Variants in HSPA12A observed in about 807,000 individuals in gnomAD.
HSPA12A encodes the protein heat shock protein family A (Hsp70) member 12A, also known as heat shock 70 kDa protein 12A.
HSPA12A carries 28 observed loss-of-function variants against 69.2 expected under a neutral mutation model. That is an observed-to-expected ratio of 0.40 (90% CI 0.30 to 0.55). The LOEUF is 0.55. Among genes scored for constraint, HSPA12A ranks in the 20% least tolerant of loss-of-function variants. HSPA12A has a pLI of 0.38. For missense variants in HSPA12A, 686 were observed against 900.7 expected (o/e 0.76, Z 3.05); for synonymous variants, 345 against 370.5 (o/e 0.93, Z 0.79).
chr10:116,727,027 T>TA (rs141199471), intron 1 of HSPA12A, among the ~76,000 whole-genome samples: 11,889 of 152,282 alleles, frequency 0.078, 714 homozygotes, highest in Non-Finnish European at 0.11. Flanking sequence ...AACAAAGTGT[T>TA]ATCACATTTT....
intron 2 of HSPA12A, among the ~76,000 whole-genome samples, chr10:116,759,901 C>T (rs978944602): frequency 2.0e-5 from 3 of 152,170 alleles, no homozygotes; most frequent in Non-Finnish European, 4.4e-5. Flanking sequence ...TTTCCCTGAA[C>T]AAGTTCTGTT....
At chr10:116,703,240 C>A (rs1253433356) in intron 3 of HSPA12A, among the ~76,000 whole-genome samples, 1 of 152,156 alleles carries the variant, frequency 6.6e-6, no homozygotes, top group Non-Finnish European at 1.5e-5. Flanking sequence ...AGTGTCTGTA[C>A]CCTCTTAGGA....
Position 116,673,420 on chromosome 10 carries a change from G to A in HSPA12A, c.*1361C>T, listed in dbSNP as rs1349430667. The A allele has an allele frequency of 6.6e-6, 1 of 152,136 alleles. No homozygotes were observed. Among genetic ancestry groups the A allele is most frequent in the African/African-American group, 2.4e-5 (1 of 41,436 alleles). The allele number at this position is 152,136 out of a possible 1,614,324, so 9.4% of individuals were successfully genotyped here. On this transcript the variant is annotated 3_prime_UTR_variant, in exon 12 of 12. Transcript: ENST00000369209. ...TTCTCATGGAAGCCCTCTTCCTAAA[G>A]GAGCCCAAAGGGGACACCTGCAGAG...
At chr10:116,843,350 A>C (rs952925154) in intron 1 of HSPA12A, among the ~76,000 whole-genome samples, 1 of 152,206 alleles carries the variant, frequency 6.6e-6, no homozygotes, top group African/African-American at 2.4e-5. Flanking sequence ...AAGCTAAATA[A>C]AGGTTTTCAG....
In HSPA12A at chr10:116,723,253, G is replaced by A. The variant is rs1056511761; in HGVS notation, c.41-15968C>T. On this transcript the variant is annotated intron_variant, in intron 1 of 11. Coordinates refer to ENST00000369209, the MANE Select transcript of HSPA12A (RefSeq NM_025015.3). This position sits in a 1 kb window ranked among gnomAD's most constrained non-coding sequence, Gnocchi z 4.1. ...CTCATACAACCCCCTGCACAGCTGG[G>A]CTGTGTCCTCTGCCATCTGGGAAAG... 1.3e-5 allele frequency among the ~76,000 whole-genome samples: 2 copies of A among 151,826 alleles called. No homozygotes were observed. The highest frequency in any genetic ancestry group is 4.8e-5 in the African/African-American group (2 of 41,308).
chr10:116,704,418 C>T (rs1436045134), intron 3 of HSPA12A, among the ~76,000 whole-genome samples: 4 of 151,856 alleles, frequency 2.6e-5, no homozygotes, highest in African/African-American at 9.7e-5. Context: ...AATGAGAACA[C>T]ATGGACACAG....
Position 116,674,950 on chromosome 10 carries a change from T to C in HSPA12A, c.1859A>G (p.Lys620Arg). 6.2e-7 allele frequency: 1 copy of C among 1,614,158 alleles called. No individual in the cohort carries two copies. Among genetic ancestry groups the C allele is most frequent in the Non-Finnish European group, 8.5e-7 (1 of 1,180,036 alleles). Residue 620 changes from lysine (K) to arginine (R), a missense_variant, in exon 12 of 12, where the codon AAG (lysine) becomes AGG (arginine). Lys to Arg is a conservative substitution (Grantham distance 26). Transcript: ENST00000369209. ...GAGATCCAGGCGGAGCGTGCCACAC[T>C]TCTTCACCCCGGGATCAGTGATGAA... ...VSFITDPGVKKCGTLRLDLTG... is the reference protein window; with the variant it reads ...VSFITDPGVKRCGTLRLDLTG...
rs782423796 is a variant in HSPA12A at position 116,681,269 on chromosome 10, C to T, written c.923-13G>A. ...ACATACTTATCACCTGGCACAAAAA[C>T]AGCCATCTTTTACACAGACTGTTTG... On this transcript the variant is annotated splice_polypyrimidine_tract_variant and intron_variant, in intron 8 of 11. Transcript: ENST00000369209. 14 of 1,609,160 alleles carry T rather than the reference C, an allele frequency of 8.7e-6. No homozygotes were observed. Among genetic ancestry groups the T allele is most frequent in the Non-Finnish European group, 1.2e-5 (14 of 1,175,860 alleles).
intron 2 of HSPA12A, among the ~76,000 whole-genome samples, chr10:116,812,981 G>A (rs185229846): frequency 6.6e-6 from 1 of 152,276 alleles, no homozygotes; most frequent in East Asian, 1.9e-4. Context: ...TAGGGAGGGA[G>A]GAAGCTAAGA....
chr10:116,807,055 C>T (rs1311327037), intron 2 of HSPA12A, among the ~76,000 whole-genome samples: 1 of 152,134 alleles, frequency 6.6e-6, no homozygotes, highest in Non-Finnish European at 1.5e-5. Context: ...CCAAGGAATG[C>T]CTGGAGCATC....
intron 2 of HSPA12A, among the ~76,000 whole-genome samples, chr10:116,764,227 C>T (rs1389073800): frequency 2.0e-5 from 3 of 152,158 alleles, no homozygotes; most frequent in Non-Finnish European, 4.4e-5. Flanking sequence ...TACTTTGATC[C>T]AGCAACCCCA....
At chr10:116,849,843 C>G (rs1199124890), upstream of HSPA12A, 5 of 1,259,130 alleles carry the variant, frequency 4.0e-6, no homozygotes, top group Non-Finnish European at 5.5e-6. Flanking sequence ...TGCCAGCCGC[C>G]CGGGCCCTGG....
intron 2 of HSPA12A, among the ~76,000 whole-genome samples, chr10:116,815,226 C>T (rs1158242680): frequency 6.2e-5 from 8 of 128,252 alleles, no homozygotes; most frequent in Non-Finnish European, 1.1e-4. Context: ...TGGTGGATAT[C>T]CTCTGCCTCA....
chr10:116,833,977 C>T (rs1845666180), intron 2 of HSPA12A, among the ~76,000 whole-genome samples: 2 of 152,172 alleles, frequency 1.3e-5, no homozygotes, highest in Admixed American at 1.3e-4. Context: ...CCAGAGATAA[C>T]CCAAATTGCT....
Position 116,767,248 on chromosome 10 carries a change from C to T in HSPA12A, c.92-59963G>A, listed in dbSNP as rs560988516. ...GGCAACCAGAGGACAAGAGCCTGGG[C>T]CACGGAGACTGGAAGAGGCCAGAGG... is the stretch of plus-strand genomic sequence containing the variant. On this transcript the variant is annotated intron_variant, in intron 2 of 12. Transcript: ENST00000635765. 6.6e-5 allele frequency among the ~76,000 whole-genome samples: 10 copies of T among 152,286 alleles called. No homozygotes were observed. The East Asian group carries it at 1.9e-3, about 29-fold the overall frequency.
At chr10:116,754,502 GA>G (rs1843786725) in intron 2 of HSPA12A, among the ~76,000 whole-genome samples, 1 of 152,100 alleles carries the variant, frequency 6.6e-6, no homozygotes, top group Non-Finnish European at 1.5e-5. Context: ...GAAAATTGGG[GA>G]TAAGAAGAAA....
At chr10:116,699,741 G>A (rs3010489) in intron 4 of HSPA12A, among the ~76,000 whole-genome samples, 79,381 of 151,942 alleles carry the variant, frequency 0.52, 21,050 homozygotes, top group Middle Eastern at 0.66. Context: ...GGAAACCATG[G>A]CTCTGAATTG....
chr10:116,678,510 C>A (rs557269968), intron 10 of HSPA12A, among the ~76,000 whole-genome samples: 1 of 146,820 alleles, frequency 6.8e-6, no homozygotes, highest in Admixed American at 6.9e-5. Context: ...GGAGGGGAAC[C>A]TGTACATTAG....
chr10:116,831,956 G>C (rs1336646802), intron 2 of HSPA12A: 1 of 152,158 alleles, frequency 6.6e-6, no homozygotes, highest in African/African-American at 2.4e-5. Flanking sequence ...ACTCCGAGTC[G>C]GAGGTGAGTG....
Sources: gnomAD v4.1 joint callset for allele counts (sites outside exome capture counted in the v4.1 genomes callset) on GRCh38, gnomAD v4.1.1 for gene constraint, Gnocchi (gnomAD v3.1) non-coding constraint, MANE v1.5 for transcripts, NCBI Gene and HGNC (gene_info 2026-07-23, HGNC 2026-07-21) for gene names.